The following SMARCC1 variants were observed in gnomAD, a reference collection of about 807,000 sequenced individuals.
The protein encoded by SMARCC1 is SWI/SNF related BAF chromatin remodeling complex subunit C1.
Under a neutral mutation model 147.4 loss-of-function variants are expected in SMARCC1, and 43 were observed. The observed-to-expected ratio is 0.29, with a 90% CI of 0.23 to 0.38. The LOEUF (loss-of-function observed/expected upper bound fraction) is 0.38. Among genes scored for constraint, SMARCC1 ranks in the 10% least tolerant of loss-of-function variants. SMARCC1 has a pLI of 1.00. For missense variants in SMARCC1, 1,119 were observed against 1,381.1 expected, an observed-to-expected ratio of 0.81 and a Z score of 3.01; for synonymous variants, 495 against 484.4, an observed-to-expected ratio of 1.02 and a Z score of -0.29.
chr3:47,597,038 G>A (rs899478941), intron 26 of SMARCC1, among the ~76,000 whole-genome samples: 2 of 151,684 alleles, frequency 1.3e-5, no homozygotes, highest in Non-Finnish European at 1.5e-5. Context: ...TTAGCCAGGC[G>A]TGGTGGCACG....
intron 21 of SMARCC1, among the ~76,000 whole-genome samples, chr3:47,657,184 A>G (rs1220252767): frequency 6.6e-6 from 1 of 152,232 alleles, no homozygotes; most frequent in Non-Finnish European, 1.5e-5. Context: ...TCAATACCCC[A>G]CTTTCAATAA....
rs182906958 is a variant in SMARCC1 at position 47,780,726 on chromosome 3, G to A, written c.195+877C>T. Among the ~76,000 whole-genome samples, 15 of 152,222 alleles carry A rather than the reference G, an allele frequency of 9.9e-5. No individual in the cohort carries two copies. In the East Asian group the frequency reaches 2.9e-3, roughly 29 times the overall value. On this transcript the variant is annotated intron_variant, in intron 1 of 27. Transcript: ENST00000254480. ...CAATAGGAGAAAGTACAGAACTAAA[G>A]AGGGTGATAGGAAAACTTCAGAGGC...
chr3:47,659,145 G>C (rs1438713364), intron 21 of SMARCC1, among the ~76,000 whole-genome samples: 1 of 147,388 alleles, frequency 6.8e-6, no homozygotes, highest in African/African-American at 2.5e-5. Context: ...ATGAGAGAGA[G>C]AGACAGAATC....
At position 47,681,205 on chromosome 3, in the gene SMARCC1, T is replaced by C. The variant is rs1022579142; in HGVS notation, c.1386-697A>G. On this transcript the variant is annotated intron_variant, in intron 14 of 27. Transcript: ENST00000254480. ...CATGGCAACAAACTGATGAAACAAA[T>C]GACCAGAGTAGAGACAATGAATTTG... is the stretch of plus-strand genomic sequence containing the variant. Among the ~76,000 whole-genome samples the C allele has an allele frequency of 2.0e-5, 3 of 152,134 alleles. No homozygotes were observed. The South Asian group carries it at 6.2e-4, about 31-fold the overall frequency.
chr3:47,747,074 T>G (rs193099072), intron 2 of SMARCC1, among the ~76,000 whole-genome samples: 9 of 152,024 alleles, frequency 5.9e-5, no homozygotes, highest in African/African-American at 1.9e-4. Context: ...GGTGAAAGAA[T>G]CACTTGAGGC....
intron 2 of SMARCC1, among the ~76,000 whole-genome samples, chr3:47,757,463 G>A (rs997943881): frequency 1.3e-5 from 2 of 151,936 alleles, no homozygotes; most frequent in Non-Finnish European, 2.9e-5. Context: ...AGATTCCAAG[G>A]ATTGGTGAGA....
At chr3:47,727,635 G>A (rs1233951715) in intron 6 of SMARCC1, among the ~76,000 whole-genome samples, 2 of 150,724 alleles carry the variant, frequency 1.3e-5, no homozygotes, top group Non-Finnish European at 3.0e-5. Flanking sequence ...TTTTAGGTAA[G>A]ACAGAGTTTT....
At chr3:47,705,061 C>T (rs895586184) in intron 10 of SMARCC1, among the ~76,000 whole-genome samples, 19 of 150,830 alleles carry the variant, frequency 1.3e-4, no homozygotes, top group Admixed American at 2.6e-4. Context: ...CAGTGGCTCA[C>T]GCCTGTAATC....
chr3:47,644,400 G>T (rs2033091511), intron 21 of SMARCC1, among the ~76,000 whole-genome samples: 1 of 152,180 alleles, frequency 6.6e-6, no homozygotes, highest in Non-Finnish European at 1.5e-5. Context: ...GGAGGCTGAA[G>T]CAGGAGGATC....
At chr3:47,675,175 G>A (rs996119234) in intron 18 of SMARCC1, among the ~76,000 whole-genome samples, 1 of 152,080 alleles carries the variant, frequency 6.6e-6, no homozygotes, top group Admixed American at 6.5e-5. Context: ...GTCTTCTGCT[G>A]TATGCAGTCG....
At chr3:47,747,011 T>C (rs1301442175) in intron 2 of SMARCC1, among the ~76,000 whole-genome samples, 2 of 151,964 alleles carry the variant, frequency 1.3e-5, no homozygotes, top group African/African-American at 2.4e-5. Context: ...ATTACAGGCA[T>C]GAGCCATCGT....
intron 7 of SMARCC1, among the ~76,000 whole-genome samples, chr3:47,716,712 C>A (rs946980798): frequency 1.3e-5 from 2 of 152,178 alleles, no homozygotes; most frequent in Non-Finnish European, 2.9e-5. Context: ...AAGGGCAAAC[C>A]TTTTCCTATA....
chr3:47,737,378 G>A (rs1199748403), intron 4 of SMARCC1, among the ~76,000 whole-genome samples: 4 of 152,022 alleles, frequency 2.6e-5, no homozygotes. Flanking sequence ...CAGCCTGGGT[G>A]ACAGAGTGAG....
In SMARCC1 at chr3:47,633,779, TACACACACACACACAC is replaced by T. The variant is rs149363143; in HGVS notation, c.2646+1395_2646+1410del. The stretch of plus-strand genomic sequence containing the variant: ...AAAAAAAAAAATATATATATATATA[TACACACACACACACAC>T]ACACACACACACACACACACACATA... On this transcript the variant is annotated intron_variant, in intron 24 of 27. Coordinates refer to ENST00000254480, the MANE Select transcript of SMARCC1 (RefSeq NM_003074.4). Among the ~76,000 whole-genome samples, 7 of 28,880 alleles carry T rather than the reference TACACACACACACACAC, an allele frequency of 2.4e-4. No homozygotes were observed. The East Asian group carries it at 6.2e-3, about 25-fold the overall frequency. The allele number at this position is 28,880 out of a possible 152,430, so 18.9% of individuals were successfully genotyped here. A position where few individuals can be genotyped will look rare whatever the true frequency, so the allele number is the denominator to read the frequency against.
intron 20 of SMARCC1, among the ~76,000 whole-genome samples, chr3:47,662,107 GC>G (rs2033354582): frequency 6.6e-6 from 1 of 151,698 alleles, no homozygotes; most frequent in African/African-American, 2.4e-5. Flanking sequence ...CGATTCTCCT[GC>G]CTCAGCCTCC....
intron 1 of SMARCC1, among the ~76,000 whole-genome samples, chr3:47,780,913 G>A (rs985784504): frequency 1.3e-5 from 2 of 151,908 alleles, no homozygotes; most frequent in Admixed American, 6.6e-5. Context: ...CCGTTCCAAA[G>A]GTAGGAGAAA....
chr3:47,762,586 G>T lies in SMARCC1; in HGVS notation c.315+10231C>A, dbSNP rs552375630. Among the ~76,000 whole-genome samples the T allele has an allele frequency of 3.3e-5, 5 of 152,328 alleles. No individual in the cohort carries two copies. In the South Asian group the frequency reaches 1.0e-3, roughly 32 times the overall value. On this transcript the variant is annotated intron_variant, in intron 2 of 27. Coordinates refer to ENST00000254480, the MANE Select transcript of SMARCC1 (RefSeq NM_003074.4). ...CATTTTATGCTCAACGTATTTACAG[G>T]TGTTCCACCAAATCACGTAACAATT... is the stretch of plus-strand genomic sequence containing the variant.
At chr3:47,632,764 A>G (rs1235710883) in intron 24 of SMARCC1, among the ~76,000 whole-genome samples, 3 of 152,218 alleles carry the variant, frequency 2.0e-5, no homozygotes, top group African/African-American at 7.2e-5. Context: ...CAGAACTACA[A>G]GAAACAGTTC....
intron 27 of SMARCC1, among the ~76,000 whole-genome samples, chr3:47,589,628 CT>C (rs2032144706): frequency 1.3e-5 from 2 of 152,170 alleles, no homozygotes; most frequent in African/African-American, 4.8e-5. Flanking sequence ...AAATTAGTGT[CT>C]TTCTTCTGTG....
Sources: allele counts gnomAD v4.1 joint callset (sites outside exome capture counted in the v4.1 genomes callset), GRCh38; gene constraint gnomAD v4.1.1; transcripts MANE v1.5; gene names NCBI Gene and HGNC (gene_info 2026-07-23, HGNC 2026-07-21).